The following CCDC148 variants were observed in gnomAD, a reference collection of about 807,000 sequenced individuals.
The protein encoded by CCDC148 is coiled-coil domain containing 148.
A neutral mutation model predicts 85.7 loss-of-function variants in CCDC148; 89 were observed. That is an observed-to-expected ratio of 1.04 (90% CI 0.87 to 1.24). The LOEUF is 1.24. Among genes scored for constraint, CCDC148 ranks in the 50% most tolerant of loss-of-function variants. The pLI, the probability that CCDC148 is intolerant of heterozygous loss-of-function variation, is 0.00. For missense variants in CCDC148, 692 were observed against 671.7 expected, an observed-to-expected ratio of 1.03 and a Z score of -0.33; for synonymous variants, 230 against 213.9, an observed-to-expected ratio of 1.08 and a Z score of -0.66.
At chr2:158,259,788 T>C (rs1299696390) in intron 9 of CCDC148, among the ~76,000 whole-genome samples, 2 of 151,914 alleles carry the variant, frequency 1.3e-5, no homozygotes, top group African/African-American at 4.8e-5. Flanking sequence ...CCCCAGGCTT[T>C]TGTCCTTCTC....
At chr2:158,258,214 T>C (rs1359459194) in intron 9 of CCDC148, among the ~76,000 whole-genome samples, 2 of 151,920 alleles carry the variant, frequency 1.3e-5, no homozygotes, top group Admixed American at 6.6e-5. Flanking sequence ...GTGTGTTCAT[T>C]TGTGATGTAA....
intron 1 of CCDC148, among the ~76,000 whole-genome samples, chr2:158,382,894 CTGGG>C (rs1684935350): frequency 6.6e-6 from 1 of 151,924 alleles, no homozygotes. Context: ...GCCCTCCAGC[CTGGG>C]TGACAGAGTG....
chr2:158,231,746 T>C (rs1687866903), intron 10 of CCDC148, among the ~76,000 whole-genome samples: 1 of 152,164 alleles, frequency 6.6e-6, no homozygotes, highest in South Asian at 2.1e-4. Context: ...CATTGATCAC[T>C]CTTAGGTGAC....
At chr2:158,204,381 A>G (rs961703440) in intron 11 of CCDC148, among the ~76,000 whole-genome samples, 1 of 152,168 alleles carries the variant, frequency 6.6e-6, no homozygotes. Flanking sequence ...ACCAGTGGAT[A>G]AAACAGAAAT....
intron 2 of CCDC148, among the ~76,000 whole-genome samples, chr2:158,353,652 A>T (rs1402038265): frequency 6.6e-6 from 1 of 152,168 alleles, no homozygotes; most frequent in Admixed American, 6.5e-5. Flanking sequence ...CCCACTGTCA[A>T]CATTAGACAG....
At chr2:158,196,886 A>C (rs996801332) in intron 11 of CCDC148, among the ~76,000 whole-genome samples, 2 of 152,150 alleles carry the variant, frequency 1.3e-5, no homozygotes, top group Non-Finnish European at 2.9e-5. Context: ...TGATTGACTA[A>C]CTTTAAATTA....
chr2:158,246,403 A>G (rs1688571358), intron 10 of CCDC148, among the ~76,000 whole-genome samples: 2 of 152,210 alleles, frequency 1.3e-5, no homozygotes, highest in South Asian at 4.1e-4. Flanking sequence ...TCTGGTCAGT[A>G]TCTCTGAGTT....
rs72997385 is a variant in CCDC148, at chr2:158,392,240, C to T, written c.26-33670G>A. On this transcript the variant is annotated intron_variant, in intron 1 of 13. Transcript: ENST00000283233. ...AATATGGTCCAGTCATTGTGCTAGG[C>T]GCTTGAGCTACAAAGATGAAAACAA... Among the ~76,000 whole-genome samples the T allele has an allele frequency of 4.7e-3, 720 of 152,184 alleles. 3 individuals are homozygous for T. Among genetic ancestry groups the T allele is most frequent in the African/African-American group, 0.016 (670 of 41,530 alleles).
chr2:158,191,598 C>A (rs116062617), intron 11 of CCDC148, among the ~76,000 whole-genome samples: 1,889 of 151,490 alleles, frequency 0.012, 42 homozygotes, highest in African/African-American at 0.043. Context: ...TTTAAAAAAA[C>A]AAATGATAAA....
At chr2:158,305,582 CA>C (rs1691646343) in intron 9 of CCDC148, among the ~76,000 whole-genome samples, 2 of 151,828 alleles carry the variant, frequency 1.3e-5, no homozygotes, top group African/African-American at 4.8e-5. Flanking sequence ...CCTGTCTCTA[CA>C]AAATATTGAA....
intron 9 of CCDC148, among the ~76,000 whole-genome samples, chr2:158,281,278 A>G (rs374916710): frequency 2.0e-5 from 3 of 152,190 alleles, no homozygotes; most frequent in Non-Finnish European, 2.9e-5. Flanking sequence ...AACGAAAATC[A>G]GAGCAGAACT....
chr2:158,226,298 T>C (rs954078197), intron 10 of CCDC148, among the ~76,000 whole-genome samples: 5 of 152,102 alleles, frequency 3.3e-5, no homozygotes, highest in Non-Finnish European at 4.4e-5. Flanking sequence ...GGCTCTGAAA[T>C]TGAGGCAATA....
At chr2:158,354,503 A>G (rs1574678553) in intron 2 of CCDC148, among the ~76,000 whole-genome samples, 2 of 152,190 alleles carry the variant, frequency 1.3e-5, no homozygotes, top group African/African-American at 2.4e-5. Flanking sequence ...TCCTCGACAC[A>G]TACACTCTCC....
intron 11 of CCDC148, among the ~76,000 whole-genome samples, chr2:158,180,263 G>A (rs1684829718): frequency 6.6e-6 from 1 of 152,096 alleles, no homozygotes; most frequent in South Asian, 2.1e-4. Flanking sequence ...CCTGCATCAG[G>A]TCTTGTGCTA....
intron 9 of CCDC148, among the ~76,000 whole-genome samples, chr2:158,295,803 G>A (rs1298578610): frequency 6.6e-6 from 1 of 150,876 alleles, no homozygotes; most frequent in African/African-American, 2.4e-5. Flanking sequence ...CATTCCCTTT[G>A]AAAACTGGCA....
intron 11 of CCDC148, among the ~76,000 whole-genome samples, chr2:158,192,089 T>A (rs1685449058): frequency 6.6e-6 from 1 of 152,084 alleles, no homozygotes; most frequent in Non-Finnish European, 1.5e-5. Context: ...AGCAATAAAC[T>A]GGACAGAGAT....
chr2:158,428,713 C>T (rs940482460), intron 1 of CCDC148, among the ~76,000 whole-genome samples: 105 of 151,714 alleles, frequency 6.9e-4, no homozygotes, highest in African/African-American at 2.2e-3. Flanking sequence ...TCAACCATTG[C>T]GGAAGACAGT....
chr2:158,276,453 AAAAC>A (rs2105168242), intron 9 of CCDC148, among the ~76,000 whole-genome samples: 1 of 151,560 alleles, frequency 6.6e-6, no homozygotes, highest in South Asian at 2.1e-4. Flanking sequence ...ACAAAAACAA[AAAAC>A]AAACAAAAAA....
At chr2:158,310,849 G>A (rs1171298328) in intron 8 of CCDC148, among the ~76,000 whole-genome samples, 2 of 150,390 alleles carry the variant, frequency 1.3e-5, no homozygotes, top group Non-Finnish European at 3.0e-5. Flanking sequence ...ATGACGGCCA[G>A]GAAGAGGTGC....
Sources: gnomAD v4.1 joint callset for allele counts (sites outside exome capture counted in the v4.1 genomes callset) on GRCh38, gnomAD v4.1.1 for gene constraint, MANE v1.5 for transcripts, NCBI Gene and HGNC (gene_info 2026-07-23, HGNC 2026-07-21) for gene names.